SETD2: variants seen among roughly 807,000 people sequenced by gnomAD.
The protein encoded by SETD2 is SET domain containing 2, histone lysine methyltransferase, also known as histone-lysine N-methyltransferase SETD2.
A neutral mutation model predicts 242.1 loss-of-function variants in SETD2; 31 were observed. The observed-to-expected ratio is 0.13, with a 90% CI of 0.10 to 0.17. SETD2 has a LOEUF of 0.17. Ranked by LOEUF, SETD2 falls within the 10% of genes least tolerant of loss-of-function variation. SETD2 has a pLI of 1.00. For synonymous variants in SETD2, 1,006 were observed against 1,066.5 expected (o/e 0.94, Z 1.11); for missense variants, 2,481 against 3,046.3 (o/e 0.81, Z 4.37).
At chr3:47,111,111 A>AAT (rs2042633557) in intron 5 of SETD2, among the ~76,000 whole-genome samples, 2 of 139,624 alleles carry the variant, frequency 1.4e-5, no homozygotes, top group African/African-American at 5.4e-5. Context: ...AAAAAAAAAA[A>AAT]TCTCAAGAAG....
Position 47,123,705 on chromosome 3 carries a change from A to C in SETD2, c.931T>G (p.Ser311Ala), listed in dbSNP as rs573594314. Reference protein sequence around the residue: ...SCKKTGSKKKSSQSEGIFLGS... With the variant: ...SCKKTGSKKKASQSEGIFLGS... ...AGAAAGATGCCTTCAGATTGTGAGG[A>C]TTTCTTCTTAGAACCTGTTTTTTTA... is the stretch of plus-strand genomic sequence containing the variant. The change falls in exon 3 of 21, where the codon TCC becomes GCC. Residue 311 changes from serine (S) to alanine (A), a missense_variant. Transcript: ENST00000409792. 1 of 1,551,408 alleles carries C rather than the reference A, an allele frequency of 6.4e-7. No homozygotes were observed. Among genetic ancestry groups the C allele is most frequent in the African/African-American group, 1.4e-5 (1 of 73,138 alleles).
chr3:47,058,496 G>C (rs1288146034), intron 14 of SETD2, among the ~76,000 whole-genome samples: 1 of 123,838 alleles, frequency 8.1e-6, no homozygotes, highest in Non-Finnish European at 1.6e-5. Context: ...CATAAGACTT[G>C]TACATAGCAG....
intron 18 of SETD2, among the ~76,000 whole-genome samples, chr3:47,029,217 C>A (rs1344148101): frequency 6.6e-6 from 1 of 151,870 alleles, no homozygotes; most frequent in Non-Finnish European, 1.5e-5. Context: ...TGTGCACCAA[C>A]ATGCCTAATT....
At chr3:47,059,360 C>A (rs2040235922) in intron 14 of SETD2, among the ~76,000 whole-genome samples, 1 of 151,960 alleles carries the variant, frequency 6.6e-6, no homozygotes, top group South Asian at 2.1e-4. Context: ...AAGTGATCCG[C>A]CCGCCTCAGC....
Position 47,099,471 on chromosome 3 carries a change from G to A in SETD2, c.5016-1390C>T, listed in dbSNP as rs369082342. 7.8e-4 allele frequency among the ~76,000 whole-genome samples: 119 copies of A among 152,244 alleles called. 2 individuals are homozygous for A. Among genetic ancestry groups the A allele is most frequent in the African/African-American group, 2.7e-3 (111 of 41,550 alleles). ...ACCCAAAGAAGATAGACTGTTTCAC[G>A]GGTAATGTTGTGTTCTTTCATTATG... On this transcript the variant is annotated intron_variant, in intron 8 of 20. Coordinates refer to ENST00000409792, the MANE Select transcript of SETD2 (RefSeq NM_014159.7).
chr3:47,067,265 A>G, intron 12 of SETD2, 147 bp from the exon 13 acceptor site: 1 of 650,634 alleles, frequency 1.5e-6, no homozygotes, highest in East Asian at 2.7e-5. Context: ...TCTGGGCTTT[A>G]AATAAGAATA....
chr3:47,086,405 A>C, intron 10 of SETD2, 91 bp from the exon 11 acceptor site: 1 of 1,319,108 alleles, frequency 7.6e-7, no homozygotes, highest in Non-Finnish European at 1.1e-6. Context: ...TGTATACGTT[A>C]CACATTATAG....
chr3:47,150,061 C>T (rs1030591844), intron 1 of SETD2, among the ~76,000 whole-genome samples: 3 of 102,756 alleles, frequency 2.9e-5, no homozygotes, highest in Non-Finnish European at 3.6e-5. Context: ...GACAGAGTCT[C>T]GCTCTGTTGC....
At chr3:47,105,976 A>G in intron 6 of SETD2, 21 bp downstream of exon 6, 1 of 1,611,802 alleles carries the variant, frequency 6.2e-7, no homozygotes, top group Non-Finnish European at 8.5e-7. Context: ...GTTTCAAGGC[A>G]AACATATCCA....
At position 47,122,810 on chromosome 3, in the gene SETD2, C is replaced by A; in HGVS notation, c.1826G>T (p.Arg609Ile). Residue 609 changes from arginine to isoleucine, a missense_variant, in exon 3 of 21, where the codon AGA becomes ATA. Around this residue, in one of 17 missense-constraint regions of SETD2, gnomAD observed 1,300 missense variants for 1,259.2 expected, o/e 1.03. Coordinates refer to ENST00000409792, the MANE Select transcript of SETD2 (RefSeq NM_014159.7). ...ELRMINKNPE[R>I]EKAGSPAPSN... ...TGGAGCTGGAGACCCAGCCTTTTCT[C>A]TTTCAGGATTTTTATTAATCATTCT... The A allele has an allele frequency of 1.2e-6, 2 of 1,613,412 alleles. No homozygotes were observed. The highest frequency in any genetic ancestry group is 2.2e-5 in the South Asian group (2 of 90,986).
intron 8 of SETD2, among the ~76,000 whole-genome samples, chr3:47,100,036 G>A (rs1228561101): frequency 1.3e-5 from 2 of 151,086 alleles, no homozygotes; most frequent in Non-Finnish European, 2.9e-5. Flanking sequence ...GCAGTAGCAC[G>A]ATCTCAAGTG....
chr3:47,098,925 G>C (rs922522125), intron 8 of SETD2, among the ~76,000 whole-genome samples: 6 of 152,144 alleles, frequency 3.9e-5, no homozygotes, highest in Non-Finnish European at 8.8e-5. Context: ...AACAGCACTT[G>C]ATTTCCACTT....
At chr3:47,156,368 A>C (rs951600265) in intron 1 of SETD2, among the ~76,000 whole-genome samples, 6 of 152,250 alleles carry the variant, frequency 3.9e-5, no homozygotes. Context: ...AAACTAGGAA[A>C]GTATGACTGA....
intron 5 of SETD2, among the ~76,000 whole-genome samples, chr3:47,107,789 AG>A (rs1421555785): frequency 6.6e-6 from 1 of 151,568 alleles, no homozygotes; most frequent in African/African-American, 2.4e-5. Flanking sequence ...TGAAAAACAC[AG>A]GAAGACCTCA....
At chr3:47,065,943 A>G (rs1345512723) in intron 13 of SETD2, among the ~76,000 whole-genome samples, 2 of 152,198 alleles carry the variant, frequency 1.3e-5, no homozygotes, top group African/African-American at 4.8e-5. Context: ...AATCTGATCA[A>G]AGTTTTGAAC....
chr3:47,150,110 A>G (rs1291185158), intron 1 of SETD2, among the ~76,000 whole-genome samples: 2 of 139,004 alleles, frequency 1.4e-5, no homozygotes, highest in Admixed American at 8.1e-5. Context: ...GCTCACTACA[A>G]CCTCTGCCTC....
At position 47,120,830 on chromosome 3, in the gene SETD2, G is replaced by C. The variant is rs769596273; in HGVS notation, c.3806C>G (p.Thr1269Ser). Residue 1269 changes from threonine (T) to serine (S), a missense_variant, in exon 3 of 21, where the codon ACC becomes AGC. Transcript: ENST00000409792. ...GCTACTGTCAGGTTGCTGATACGTG[G>C]TAGAAGGCTTTTCTTGAGAGAAGTC... is the stretch of plus-strand genomic sequence containing the variant. ...GWDFSQEKPS[T>S]TYQQPDSSYG... The C allele has an allele frequency of 6.2e-7, 1 of 1,614,212 alleles. No homozygotes were observed.
At chr3:47,107,315 T>C (rs1305056666) in intron 5 of SETD2, among the ~76,000 whole-genome samples, 1 of 152,188 alleles carries the variant, frequency 6.6e-6, no homozygotes, top group Non-Finnish European at 1.5e-5. Context: ...ATAATCAATG[T>C]ACTTATTAAA....
intron 12 of SETD2, among the ~76,000 whole-genome samples, chr3:47,077,726 T>C (rs960678374): frequency 1.3e-5 from 2 of 152,156 alleles, no homozygotes; most frequent in African/African-American, 4.8e-5. Flanking sequence ...AACAAGAGAT[T>C]CTTGAAGAAA....
Sources: allele counts gnomAD v4.1 joint callset (sites outside exome capture counted in the v4.1 genomes callset), GRCh38; gene constraint gnomAD v4.1.1; regional missense constraint gnomAD v4.1.1; transcripts MANE v1.5; gene names NCBI Gene and HGNC (gene_info 2026-07-23, HGNC 2026-07-21).